The following PPFIA2 variants were observed in gnomAD, a reference collection of about 807,000 sequenced individuals.
PPFIA2 encodes the protein PPFI scaffold protein A2.
PPFIA2 carries 46 observed loss-of-function variants against 175.5 expected under a neutral mutation model. The observed-to-expected ratio is 0.26, with a 90% CI of 0.21 to 0.34. The LOEUF (loss-of-function observed/expected upper bound fraction) is 0.34. PPFIA2 is among the 10% of genes least tolerant of loss of function. The pLI is 1.00. For missense variants in PPFIA2, 1,179 were observed against 1,506.1 expected (o/e 0.78, Z 3.60); for synonymous variants, 568 against 511.4 (o/e 1.11, Z -1.49).
intron 3 of PPFIA2, 77 bp from the exon 4 acceptor site, chr12:81,676,921 T>C: frequency 2.8e-6 from 3 of 1,070,592 alleles, no homozygotes; most frequent in Non-Finnish European, 3.9e-6. Flanking sequence ...AGTGTAATAA[T>C]TTATTTAGCT....
At chr12:81,267,140 T>G in intron 29 of PPFIA2, 120 bp from the exon 30 acceptor site, 1 of 767,382 alleles carries the variant, frequency 1.3e-6, no homozygotes, top group South Asian at 1.6e-5. Flanking sequence ...TTTTGAAGTT[T>G]TTAGCCCTCC....
intron 8 of PPFIA2, among the ~76,000 whole-genome samples, chr12:81,405,437 A>C (rs746517948): frequency 2.0e-4 from 30 of 151,904 alleles, no homozygotes; most frequent in Non-Finnish European, 3.7e-4. Context: ...ATATATATAC[A>C]TATGCCATAT....
intron 4 of PPFIA2, among the ~76,000 whole-genome samples, chr12:81,525,981 T>A (rs1395815966): frequency 6.6e-6 from 1 of 152,056 alleles, no homozygotes; most frequent in Admixed American, 6.6e-5. Context: ...TAAAAAAAAA[T>A]ATAAAATTAG....
intron 5 of PPFIA2, among the ~76,000 whole-genome samples, chr12:81,456,472 C>G (rs1170438221): frequency 6.6e-6 from 1 of 152,118 alleles, no homozygotes; most frequent in Non-Finnish European, 1.5e-5. Flanking sequence ...GCAAGCAACC[C>G]TATCTCTCAT....
chr12:81,271,159 A>G lies in PPFIA2; in HGVS notation c.3311-3072T>C, dbSNP rs116340969. On this transcript the variant is annotated intron_variant, in intron 28 of 32. Coordinates refer to ENST00000549396, the MANE Select transcript of PPFIA2 (RefSeq NM_003625.5). The stretch of plus-strand genomic sequence containing the variant: ...TTGCCCATTTAATATTATTACTTTG[A>G]TATTTGTGCTGAATTCTACCATCTA... Among the ~76,000 whole-genome samples, 342 of 152,226 alleles carry G rather than the reference A, an allele frequency of 2.2e-3. 3 individuals carry two copies. Among genetic ancestry groups the G allele is most frequent in the African/African-American group, 8.0e-3 (334 of 41,544 alleles).
chr12:81,267,103 T>A lies in PPFIA2; in HGVS notation c.3487-83A>T, dbSNP rs192000959. 11 of 1,009,402 alleles carry A rather than the reference T, an allele frequency of 1.1e-5. No homozygotes were observed. The Admixed American group carries it at 2.2e-4, about 20-fold the overall frequency. The allele number at this position is 1,009,402 out of a possible 1,614,324, so 62.5% of individuals were successfully genotyped here. A position where few individuals can be genotyped will look rare whatever the true frequency, so the allele number is the denominator to read the frequency against. ...AGTAGCTTATATTTATCTGATAATG[T>A]ATTATAAACCATACTTTATTTATGG... On this transcript the variant is annotated intron_variant, in intron 29 of 32. Coordinates refer to ENST00000549396, the MANE Select transcript of PPFIA2 (RefSeq NM_003625.5).
intron 4 of PPFIA2, among the ~76,000 whole-genome samples, chr12:81,553,060 C>T (rs932939866): frequency 5.3e-5 from 8 of 151,762 alleles, no homozygotes; most frequent in African/African-American, 1.5e-4. Context: ...AGTTCATGTA[C>T]AGAGTGTGGT....
At position 81,537,069 on chromosome 12, in the gene PPFIA2, G is replaced by C. The variant is rs1195761434; in HGVS notation, c.304-79203C>G. ...CCTAAAGTCTGAGTGGAAAGCAGAA[G>C]GAGAATTACAAAAGAAATGAAAAAT... On this transcript the variant is annotated intron_variant, in intron 4 of 32. Transcript: ENST00000549396. Among the ~76,000 whole-genome samples the C allele has an allele frequency of 3.3e-5, 5 of 151,408 alleles. No individual in the cohort carries two copies. The South Asian group carries it at 8.3e-4, about 25-fold the overall frequency.
At chr12:81,633,758 A>T (rs185547585) in intron 4 of PPFIA2, among the ~76,000 whole-genome samples, 1 of 152,204 alleles carries the variant, frequency 6.6e-6, no homozygotes, top group African/African-American at 2.4e-5. Flanking sequence ...ATTAGACAAG[A>T]TAGGAGAGTA....
chr12:81,278,441 T>G (rs1476996860), intron 27 of PPFIA2, among the ~76,000 whole-genome samples: 2 of 150,792 alleles, frequency 1.3e-5, no homozygotes, highest in Non-Finnish European at 2.9e-5. Flanking sequence ...CTCGGGAGGC[T>G]GAGGCAGAAG....
At position 81,529,296 on chromosome 12, in the gene PPFIA2, T is replaced by C. The variant is rs867588527; in HGVS notation, c.304-71430A>G. ...AAAACAAAGTCATCATAGATTTCTA[T>C]AGTCAATCAAAAAGACACCTGAGTC... On this transcript the variant is annotated intron_variant, in intron 4 of 32. Transcript: ENST00000549396. Among the ~76,000 whole-genome samples the C allele has an allele frequency of 9.9e-5, 15 of 152,164 alleles. No homozygotes were observed. The South Asian group carries it at 1.2e-3, about 13-fold the overall frequency.
intron 14 of PPFIA2, among the ~76,000 whole-genome samples, chr12:81,363,850 T>A (rs1047426260): frequency 6.6e-6 from 1 of 151,940 alleles, no homozygotes; most frequent in African/African-American, 2.4e-5. Context: ...AAATGTTCAA[T>A]AGTTTCTTAT....
rs1175447497 is a variant in PPFIA2 at position 81,404,731 on chromosome 12, ACTTT to A, written c.762+1052_762+1055del. ...TTCCGGAAATTCATCTGATTTACTTACTTTATTTTGCTTTTCTACTTGAAGGAAG... is the reference window on the plus strand; with the variant it reads ...TTCCGGAAATTCATCTGATTTACTTAATTTTGCTTTTCTACTTGAAGGAAG... On this transcript the variant is annotated intron_variant, in intron 8 of 32. Transcript: ENST00000549396. Among the ~76,000 whole-genome samples the A allele has an allele frequency of 2.0e-5, 3 of 152,266 alleles. No homozygotes were observed. In the East Asian group the frequency reaches 5.8e-4, roughly 29 times the overall value.
intron 3 of PPFIA2, among the ~76,000 whole-genome samples, chr12:81,701,870 T>C (rs1488831586): frequency 6.7e-6 from 1 of 148,170 alleles, no homozygotes; most frequent in Non-Finnish European, 1.5e-5. Context: ...CTTTGTCTCA[T>C]TTAAATCAAC....
At chr12:81,446,923 C>T (rs985621267) in intron 5 of PPFIA2, among the ~76,000 whole-genome samples, 1 of 152,030 alleles carries the variant, frequency 6.6e-6, no homozygotes, top group African/African-American at 2.4e-5. Flanking sequence ...TGTTAGAAAA[C>T]TTTGCCATTA....
intron 4 of PPFIA2, among the ~76,000 whole-genome samples, chr12:81,526,654 T>C (rs2063763867): frequency 6.6e-6 from 1 of 152,202 alleles, no homozygotes; most frequent in Admixed American, 6.5e-5. Flanking sequence ...GACAACTTTG[T>C]TAATACATCC....
At chr12:81,346,377 T>C (rs1476160868) in intron 18 of PPFIA2, among the ~76,000 whole-genome samples, 2 of 151,854 alleles carry the variant, frequency 1.3e-5, no homozygotes, top group Non-Finnish European at 2.9e-5. Flanking sequence ...AATGCCCTAC[T>C]ACCTCCAGTT....
At chr12:81,596,020 T>G (rs2059205428) in intron 4 of PPFIA2, among the ~76,000 whole-genome samples, 1 of 152,172 alleles carries the variant, frequency 6.6e-6, no homozygotes, top group South Asian at 2.1e-4. Flanking sequence ...TTTAATCATT[T>G]TCTCAAGATA....
chr12:81,495,180 T>G (rs2147199807), intron 4 of PPFIA2, among the ~76,000 whole-genome samples: 1 of 152,176 alleles, frequency 6.6e-6, no homozygotes, highest in East Asian at 1.9e-4. Flanking sequence ...TAACAGAAAT[T>G]TAGCAACTGT....
Sources: allele counts gnomAD v4.1 joint callset (sites outside exome capture counted in the v4.1 genomes callset), GRCh38; gene constraint gnomAD v4.1.1; transcripts MANE v1.5; gene names NCBI Gene and HGNC (gene_info 2026-07-23, HGNC 2026-07-21).